The following ZNF804B variants were observed in gnomAD, a reference collection of about 807,000 sequenced individuals.
ZNF804B encodes zinc finger 804B.
ZNF804B carries 80 observed loss-of-function variants against 101.4 expected under a neutral mutation model. That is an observed-to-expected ratio of 0.79 (90% CI 0.66 to 0.95). ZNF804B has a LOEUF of 0.95. Among genes scored for constraint, ZNF804B ranks in the 40% least tolerant of loss-of-function variants. The pLI, the probability that ZNF804B is intolerant of heterozygous loss-of-function variation, is 0.00. For synonymous variants in ZNF804B, 622 were observed against 558.8 expected, an observed-to-expected ratio of 1.11 and a Z score of -1.59; for missense variants, 1,673 against 1,561.9, an observed-to-expected ratio of 1.07 and a Z score of -1.20.
intron 1 of ZNF804B, among the ~76,000 whole-genome samples, chr7:89,060,871 C>G (rs146476938): frequency 6.6e-6 from 1 of 152,024 alleles, no homozygotes; most frequent in Non-Finnish European, 1.5e-5. Context: ...TTTTGTACAT[C>G]GGCATTTGTG....
At chr7:89,272,986 T>C (rs771047135) in intron 2 of ZNF804B, among the ~76,000 whole-genome samples, 7 of 152,274 alleles carry the variant, frequency 4.6e-5, no homozygotes, top group Non-Finnish European at 8.8e-5. Context: ...TTTCAAATGC[T>C]ATGTAGCTGC....
intron 1 of ZNF804B, among the ~76,000 whole-genome samples, chr7:88,865,876 G>A (rs991794481): frequency 3.3e-5 from 5 of 152,086 alleles, no homozygotes; most frequent in African/African-American, 1.2e-4. Flanking sequence ...TGAATGTCAC[G>A]CCCCTCCTTA....
At chr7:89,223,071 C>A (rs73397167) in intron 2 of ZNF804B, among the ~76,000 whole-genome samples, 5,447 of 151,828 alleles carry the variant, frequency 0.036, 304 homozygotes, top group African/African-American at 0.12. Flanking sequence ...TTGGTTCTTT[C>A]TTCTTTAAGA....
At position 89,329,784 on chromosome 7, in the gene ZNF804B, C is replaced by T. The variant is rs150693082; in HGVS notation, c.380+2310C>T. On this transcript the variant is annotated intron_variant, in intron 3 of 3. Transcript: ENST00000333190. ...CCAAAATTTAAAAATTTTAGGGCCA[C>T]TGATTCTGAGACTATGAATTTTTTA... Among the ~76,000 whole-genome samples, 791 of 151,644 alleles carry T rather than the reference C, an allele frequency of 5.2e-3. 4 individuals are homozygous for T. The highest frequency in any genetic ancestry group is 8.6e-3 in the Non-Finnish European group (584 of 67,670).
intron 1 of ZNF804B, among the ~76,000 whole-genome samples, chr7:88,773,571 C>T (rs1790100099): frequency 6.6e-6 from 1 of 152,134 alleles, no homozygotes; most frequent in South Asian, 2.1e-4. Flanking sequence ...GGAAGTAACA[C>T]TACTTGGATA....
chr7:89,125,528 T>G (rs13246252), intron 1 of ZNF804B, among the ~76,000 whole-genome samples: 1 of 151,860 alleles, frequency 6.6e-6, no homozygotes, highest in African/African-American at 2.4e-5. Flanking sequence ...CTATTGTCCA[T>G]TCATAAGCAT....
Position 88,932,288 on chromosome 7 carries a change from C to T in ZNF804B, c.108+172204C>T, listed in dbSNP as rs28619091. On this transcript the variant is annotated intron_variant, in intron 1 of 3. Transcript: ENST00000333190. The stretch of plus-strand genomic sequence containing the variant: ...AGTTCATAGCATTAAATGACTACAT[C>T]AAAAAGTCTGAAAGAGTACAGCTTA... Among the ~76,000 whole-genome samples the T allele has an allele frequency of 3.5e-3, 526 of 151,720 alleles. 7 individuals carry two copies. Among genetic ancestry groups the T allele is most frequent in the African/African-American group, 0.012 (503 of 41,468 alleles).
intron 1 of ZNF804B, among the ~76,000 whole-genome samples, chr7:89,215,534 C>A (rs1280454683): frequency 7.1e-6 from 1 of 140,202 alleles, no homozygotes; most frequent in Non-Finnish European, 1.6e-5. Context: ...GCAGTGTTGA[C>A]CAATGTCTAA....
chr7:88,768,017 C>T lies in ZNF804B; in HGVS notation c.108+7933C>T, dbSNP rs141166222. 2.0e-4 allele frequency among the ~76,000 whole-genome samples: 31 copies of T among 152,284 alleles called. No individual in the cohort carries two copies. In the East Asian group the frequency reaches 5.8e-3, roughly 28 times the overall value. On this transcript the variant is annotated intron_variant, in intron 1 of 3. Transcript: ENST00000333190. ...AATTGCCATCACATCCATTGAAATC[C>T]TTGGGGTAAGTCTGCTGTCATCCTT...
At chr7:89,273,070 TATAG>T (rs1212484227) in intron 2 of ZNF804B, among the ~76,000 whole-genome samples, 3 of 152,172 alleles carry the variant, frequency 2.0e-5, no homozygotes, top group African/African-American at 7.2e-5. Flanking sequence ...ACTTCTCACA[TATAG>T]ATAATTATAA....
chr7:88,968,953 C>A (rs1442697571), intron 1 of ZNF804B, among the ~76,000 whole-genome samples: 2 of 151,470 alleles, frequency 1.3e-5, no homozygotes, highest in Non-Finnish European at 3.0e-5. Flanking sequence ...CAATTACAGT[C>A]TTACATACAC....
intron 1 of ZNF804B, among the ~76,000 whole-genome samples, chr7:89,093,671 G>A (rs1397745963): frequency 6.6e-6 from 1 of 152,170 alleles, no homozygotes; most frequent in Non-Finnish European, 1.5e-5. Flanking sequence ...CTCTGTCTTT[G>A]GCCAAGAAAA....
chr7:89,290,780 G>A (rs1043470125), intron 2 of ZNF804B, among the ~76,000 whole-genome samples: 4 of 152,146 alleles, frequency 2.6e-5, no homozygotes, highest in African/African-American at 9.7e-5. Flanking sequence ...TCACTTCTGA[G>A]AGCCTTGAAT....
intron 2 of ZNF804B, among the ~76,000 whole-genome samples, chr7:89,255,173 A>G (rs963375617): frequency 5.3e-5 from 8 of 152,176 alleles, no homozygotes; most frequent in Non-Finnish European, 8.8e-5. Context: ...GTGGCAGAAC[A>G]GAGTGAGTGC....
chr7:88,763,758 AATAG>A (rs10539286), intron 1 of ZNF804B, among the ~76,000 whole-genome samples: 67,754 of 150,684 alleles, frequency 0.45, 18,560 homozygotes, highest in African/African-American at 0.77. Context: ...TAGACAGAAA[AATAG>A]ATAGATAGAT....
At chr7:89,009,298 A>G (rs1038784088) in intron 1 of ZNF804B, among the ~76,000 whole-genome samples, 2 of 152,166 alleles carry the variant, frequency 1.3e-5, no homozygotes, top group Non-Finnish European at 1.5e-5. Context: ...CATTCTCAAT[A>G]TGTGATCCAT....
chr7:88,821,168 G>A (rs1040800668), intron 1 of ZNF804B, among the ~76,000 whole-genome samples: 1 of 152,152 alleles, frequency 6.6e-6, no homozygotes, highest in East Asian at 1.9e-4. Flanking sequence ...CCTTTTCCAT[G>A]TGAGTGTATT....
chr7:89,059,512 C>A (rs1287446414), intron 1 of ZNF804B, among the ~76,000 whole-genome samples: 1 of 152,082 alleles, frequency 6.6e-6, no homozygotes, highest in Non-Finnish European at 1.5e-5. Flanking sequence ...AGAACTCACT[C>A]ATCACCAAGG....
chr7:89,233,127 C>T (rs1789225183), intron 2 of ZNF804B, among the ~76,000 whole-genome samples: 3 of 152,078 alleles, frequency 2.0e-5, no homozygotes, highest in Admixed American at 1.3e-4. Context: ...GGGGTTTCCC[C>T]GTGTTAGCCA....
Sources: gnomAD v4.1 joint callset for allele counts (sites outside exome capture counted in the v4.1 genomes callset) on GRCh38, gnomAD v4.1.1 for gene constraint, MANE v1.5 for transcripts, NCBI Gene and HGNC (gene_info 2026-07-23, HGNC 2026-07-21) for gene names.